Variants in WAC observed in about 807,000 individuals in gnomAD.
The protein encoded by WAC is WW domain containing adaptor with coiled-coil, also known as WW domain-containing adapter protein with coiled-coil.
Under a neutral mutation model 79.6 loss-of-function variants are expected in WAC, and 11 were observed. The observed-to-expected ratio is 0.14, with a 90% CI of 0.09 to 0.23. WAC has a LOEUF of 0.23. WAC is among the 10% of genes least tolerant of loss of function. The probability of loss-of-function intolerance (pLI) is 1.00; values close to 1 mark genes in which losing one functional copy is unlikely to be tolerated. For synonymous variants in WAC, 304 were observed against 276.9 expected (o/e 1.10, Z -0.97); for missense variants, 728 against 773.5 (o/e 0.94, Z 0.70).
rs1173482098 is a variant in WAC, at chr10:28,621,108, TC to T, written c.*1507del. The stretch of plus-strand genomic sequence containing the variant: ...TTTCCGCATGAAAAAAATCTTTTCT[TC>T]CCCCACAAAAAAACCTTTACCATCA... On this transcript the variant is annotated 3_prime_UTR_variant, in exon 14 of 14. Coordinates refer to ENST00000354911, the MANE Select transcript of WAC (RefSeq NM_016628.5). 2 of 151,190 alleles carry T rather than the reference TC, an allele frequency of 1.3e-5. No individual in the cohort carries two copies. The highest frequency in any genetic ancestry group is 1.5e-5 in the Non-Finnish European group (1 of 67,796). The allele number at this position is 151,190 out of a possible 1,614,324, so 9.4% of individuals were successfully genotyped here.
chr10:28,568,325 A>G (rs1195108215), intron 3 of WAC, among the ~76,000 whole-genome samples: 2 of 152,194 alleles, frequency 1.3e-5, no homozygotes, highest in Non-Finnish European at 2.9e-5. Context: ...AATTGGAAAT[A>G]GGTCTTTTAA....
chr10:28,534,968 G>T (rs527237495), intron 2 of WAC, among the ~76,000 whole-genome samples: 6 of 152,238 alleles, frequency 3.9e-5, no homozygotes, highest in Non-Finnish European at 7.4e-5. Context: ...TATTTTGAGC[G>T]CATTATGCTT....
chr10:28,595,636 C>A, intron 6 of WAC, 97 bp from the exon 7 acceptor site: 1 of 1,214,010 alleles, frequency 8.2e-7, no homozygotes, highest in Non-Finnish European at 1.1e-6. Context: ...AAGTATGTTG[C>A]TAAATTAGCT....
At position 28,619,768 on chromosome 10, in the gene WAC, C is replaced by G. The variant is rs1841626090; in HGVS notation, c.*162C>G. On this transcript the variant is annotated 3_prime_UTR_variant, in exon 14 of 14. Coordinates refer to ENST00000354911, the MANE Select transcript of WAC (RefSeq NM_016628.5). ...TGAGAGTCAATTCAGGGGAAAGATACAAGATTGATTTGTAAAACCCTTGAA... is the reference window on the plus strand; with the variant it reads ...TGAGAGTCAATTCAGGGGAAAGATAGAAGATTGATTTGTAAAACCCTTGAA... 1 of 526,422 alleles carries G rather than the reference C, an allele frequency of 1.9e-6. No individual in the cohort carries two copies. Among genetic ancestry groups the G allele is most frequent in the East Asian group, 3.4e-5 (1 of 28,996 alleles). The allele number at this position is 526,422 out of a possible 1,614,324, so 32.6% of individuals were successfully genotyped here.
Position 28,593,133 on chromosome 10 carries a change from C to CT in WAC, c.610+2310dup, listed in dbSNP as rs770438360. ...TGTTGAAATGTAGTCATGTATCACA[C>CT]TTTTTTTTTAGTTTAGGTGATGTTT... is the stretch of plus-strand genomic sequence containing the variant. On this transcript the variant is annotated intron_variant, in intron 6 of 13. Transcript: ENST00000354911. Among the ~76,000 whole-genome samples, 34 of 151,692 alleles carry CT rather than the reference C, an allele frequency of 2.2e-4. 1 individual carries two copies. The highest frequency in any genetic ancestry group is 3.1e-4 in the African/African-American group (13 of 41,354).
intron 3 of WAC, among the ~76,000 whole-genome samples, chr10:28,574,916 C>T (rs1488338224): frequency 1.3e-5 from 2 of 151,990 alleles, no homozygotes; most frequent in Admixed American, 1.3e-4. Context: ...AGTGCCAGTA[C>T]ATTTTAGGTA....
intron 7 of WAC, among the ~76,000 whole-genome samples, chr10:28,596,399 A>G (rs1589220493): frequency 1.3e-5 from 2 of 151,534 alleles, no homozygotes; most frequent in South Asian, 4.2e-4. Context: ...TTCTCTTAAT[A>G]CTTAATATAA....
intron 3 of WAC, among the ~76,000 whole-genome samples, chr10:28,580,046 T>C (rs1319289858): frequency 6.6e-6 from 1 of 152,242 alleles, no homozygotes. Context: ...TTGTTTTTGA[T>C]AAGCAGTCTA....
chr10:28,535,530 C>G, intron 2 of WAC, 32 bp from the exon 3 acceptor site: 2 of 1,523,392 alleles, frequency 1.3e-6, no homozygotes, highest in East Asian at 2.4e-5. Context: ...TCAATTCTTT[C>G]TCTCTTTTTT....
chr10:28,554,432 A>G (rs1376744793), intron 3 of WAC, among the ~76,000 whole-genome samples: 1 of 152,212 alleles, frequency 6.6e-6, no homozygotes, highest in Non-Finnish European at 1.5e-5. Flanking sequence ...GGAAGGAACT[A>G]CTGAGGTTTA....
intron 13 of WAC, 183 bp downstream of exon 13, chr10:28,617,967 C>A: frequency 1.7e-6 from 1 of 605,480 alleles, no homozygotes; most frequent in Non-Finnish European, 2.5e-6. Context: ...TGTCGATTTT[C>A]TCTTAACCCA....
chr10:28,611,338 G>A (rs1454636285), intron 9 of WAC: 2 of 1,294,362 alleles, frequency 1.5e-6, no homozygotes, highest in African/African-American at 1.5e-5. Flanking sequence ...TTGTCAGAAA[G>A]CTGATAAACA....
At chr10:28,534,784 G>C (rs1258754988) in intron 2 of WAC, among the ~76,000 whole-genome samples, 1 of 152,116 alleles carries the variant, frequency 6.6e-6, no homozygotes, top group Non-Finnish European at 1.5e-5. Context: ...CTAACCTGAT[G>C]GTTGTGTTAT....
At chr10:28,552,430 G>A (rs891901426) in intron 3 of WAC, among the ~76,000 whole-genome samples, 8 of 152,030 alleles carry the variant, frequency 5.3e-5, no homozygotes, top group African/African-American at 1.9e-4. Flanking sequence ...TCTTTCTATT[G>A]TAATTCTTTC....
intron 4 of WAC, among the ~76,000 whole-genome samples, chr10:28,586,021 G>A (rs574691042): frequency 1.2e-4 from 19 of 152,256 alleles, no homozygotes; most frequent in African/African-American, 2.9e-4. Flanking sequence ...TCTGGAATCC[G>A]CGTTCTGGTT....
intron 3 of WAC, among the ~76,000 whole-genome samples, chr10:28,568,204 T>C (rs80157534): frequency 0.011 from 1,701 of 152,344 alleles, 61 homozygotes; most frequent in East Asian, 0.11. Flanking sequence ...CTGTCTTCTT[T>C]TTGAAAGTTT....
In WAC at chr10:28,534,044, G is replaced by C. The variant is rs771997271; in HGVS notation, c.78+10G>C. 6.3e-7 allele frequency: 1 copy of C among 1,578,246 alleles called. No homozygotes were observed. The highest frequency in any genetic ancestry group is 1.1e-5 in the South Asian group (1 of 88,188). On this transcript the variant is annotated intron_variant, in intron 2 of 13. Coordinates refer to ENST00000354911, the MANE Select transcript of WAC (RefSeq NM_016628.5). ...CTCGCAGCCTTACCAGGTACCAGCC[G>C]AGGCCGGGGTGGAGGGATTGGAAGG... is the stretch of plus-strand genomic sequence containing the variant.
At chr10:28,570,842 T>C (rs1838910968) in intron 3 of WAC, among the ~76,000 whole-genome samples, 1 of 151,790 alleles carries the variant, frequency 6.6e-6, no homozygotes. Context: ...CAGCCAGCCA[T>C]ATAAGGAAAG....
Position 28,592,037 on chromosome 10 carries a change from T to TA in WAC, c.610+1206dup, listed in dbSNP as rs775374309. 9.9e-4 allele frequency among the ~76,000 whole-genome samples: 151 copies of TA among 152,214 alleles called. 1 individual carries two copies. Among genetic ancestry groups the TA allele is most frequent in the Non-Finnish European group, 1.3e-4 (9 of 68,016 alleles). On this transcript the variant is annotated intron_variant, in intron 6 of 13. Coordinates refer to ENST00000354911, the MANE Select transcript of WAC (RefSeq NM_016628.5). ...TTATTGAGTTTTTGATGGGAGAAAA[T>TA]ATTTAAGATGAAACAGTAACATACA...
Sources: gnomAD v4.1 joint callset for allele counts (sites outside exome capture counted in the v4.1 genomes callset) on GRCh38, gnomAD v4.1.1 for gene constraint, MANE v1.5 for transcripts, NCBI Gene and HGNC (gene_info 2026-07-23, HGNC 2026-07-21) for gene names.